COPZ2: variants seen among roughly 807,000 people sequenced by gnomAD.
COPZ2 encodes the protein coatomer subunit zeta-2.
In COPZ2, 30 loss-of-function variants were observed where a neutral mutation model predicts 33.2. The observed-to-expected ratio is 0.90, with a 90% CI of 0.68 to 1.23. The LOEUF (loss-of-function observed/expected upper bound fraction) is 1.23. Among genes scored for constraint, COPZ2 ranks in the 50% most tolerant of loss-of-function variants. The pLI is 0.00. For synonymous variants in COPZ2, 89 were observed against 102.6 expected, an observed-to-expected ratio of 0.87 and a Z score of 0.80; for missense variants, 263 against 262.4, an observed-to-expected ratio of 1.00 and a Z score of -0.02.
chr17:48,034,044 C>A, intron 2 of COPZ2, 100 bp from the exon 3 acceptor site: 1 of 757,966 alleles, frequency 1.3e-6, no homozygotes. Context: ...CAAGCGGGAT[C>A]CTGCTTCCCT....
At chr17:48,044,836 A>C in the COPZ2 span, among the ~76,000 whole-genome samples, 3 of 152,222 alleles carry the variant, frequency 2.0e-5, no homozygotes, top group Admixed American at 1.3e-4. Context: ...TATTCCTACC[A>C]TCTCTCAGGA....
rs2036913158 is a variant in COPZ2 at position 48,032,740 on chromosome 17, A to T, written c.362T>A (p.Leu121Gln). The change falls in exon 5 of 9, where the codon CTG becomes CAG. Residue 121 changes from leucine (L) to glutamine (Q), a missense_variant and splice_region_variant. Coordinates refer to ENST00000621465, the MANE Select transcript of COPZ2 (RefSeq NM_016429.4). ...GCAGGTGAGAACAGACATGAGCATC[A>T]GCTGGGATGGGCAGATACGGGAGGA... ...YVVGSSYENELMLMSVLTCLF... is the reference protein window; with the variant it reads ...YVVGSSYENEQMLMSVLTCLF... 1.3e-6 allele frequency: 2 copies of T among 1,591,154 alleles called. No homozygotes were observed. Among genetic ancestry groups the T allele is most frequent in the African/African-American group, 2.7e-5 (2 of 74,448 alleles).
chr17:48,034,052 C>T (rs1166559500), intron 2 of COPZ2, 108 bp from the exon 3 acceptor site: 13 of 718,584 alleles, frequency 1.8e-5, no homozygotes, highest in East Asian at 2.7e-5. Flanking sequence ...ATCCTGCTTC[C>T]CTGCCCCATC....
Position 48,028,610 on chromosome 17 carries a change from C to T in COPZ2, c.547-100G>A. The stretch of plus-strand genomic sequence containing the variant: ...GCTTGGGGGTATGGGTGAGGTGGTG[C>T]AGTGGTTAGGGTGATTCAGAGCTGC... On this transcript the variant is annotated intron_variant, in intron 7 of 8. Coordinates refer to ENST00000621465, the MANE Select transcript of COPZ2 (RefSeq NM_016429.4). This position sits in a 1 kb window ranked among gnomAD's most constrained non-coding sequence, Gnocchi z 4.5. 1 of 1,122,288 alleles carries T rather than the reference C, an allele frequency of 8.9e-7. No homozygotes were observed. Among genetic ancestry groups the T allele is most frequent in the Non-Finnish European group, 1.3e-6 (1 of 768,482 alleles). 69.5% of individuals were successfully genotyped at this position (1,122,288 alleles called of 1,614,324 possible).
chr17:48,037,598 C>T lies in COPZ2; in HGVS notation c.111+69G>A. 1 of 1,048,924 alleles carries T rather than the reference C, an allele frequency of 9.5e-7. No individual in the cohort carries two copies. 65.0% of individuals were successfully genotyped at this position (1,048,924 alleles called of 1,614,324 possible). On this transcript the variant is annotated intron_variant, in intron 1 of 8. Coordinates refer to ENST00000621465, the MANE Select transcript of COPZ2 (RefSeq NM_016429.4). The surrounding 1 kb of genome is among the most constrained non-coding windows in gnomAD (Gnocchi z 5.6). The stretch of plus-strand genomic sequence containing the variant: ...GCGCGCGAGTTCTGAGTTGGCTGCT[C>T]CCCCTAACCCTGCTCTGTCCCTGCC...
intron 2 of COPZ2, among the ~76,000 whole-genome samples, chr17:48,035,037 A>G (rs1383168081): frequency 6.6e-6 from 1 of 152,228 alleles, no homozygotes; most frequent in Non-Finnish European, 1.5e-5. Context: ...TTGTGAGGCC[A>G]AAGCTGGGTT....
the COPZ2 span, among the ~76,000 whole-genome samples, chr17:48,043,768 C>T: frequency 6.6e-6 from 1 of 152,116 alleles, no homozygotes; most frequent in Non-Finnish European, 1.5e-5. Context: ...CCATTTAGCT[C>T]GGGATGGCCC....
chr17:48,044,011 G>A, the COPZ2 span, among the ~76,000 whole-genome samples: 2 of 152,314 alleles, frequency 1.3e-5, no homozygotes, highest in Admixed American at 6.5e-5. Context: ...TCATTGTAGA[G>A]GTGAAGAAAG....
At position 48,036,832 on chromosome 17, in the gene COPZ2, G is replaced by C. The variant is rs2036989877; in HGVS notation, c.186+19C>G. The stretch of plus-strand genomic sequence containing the variant: ...GCTGAGTGGGAACTGTGTCCCTCAT[G>C]GGTGGGGTCAGAGGTTACCTTGGCC... On this transcript the variant is annotated intron_variant, in intron 2 of 8. Transcript: ENST00000621465. 1 of 1,610,948 alleles carries C rather than the reference G, an allele frequency of 6.2e-7. No homozygotes were observed. Among genetic ancestry groups the C allele is most frequent in the Non-Finnish European group, 8.5e-7 (1 of 1,177,328 alleles).
chr17:48,033,919 A>C lies in COPZ2; in HGVS notation c.212T>G (p.Met71Arg). Residue 71 changes from methionine to arginine, a missense_variant, in exon 3 of 9, where the codon ATG becomes AGG. Physicochemically the swap from Met to Arg is moderately conservative, Grantham distance 91 (BLOSUM62 -1). Transcript: ENST00000621465. ...AKYYDDTFPS[M>R]KEQMVFEKNV... is the part of the protein sequence containing the mutation. Reference sequence around the variant, plus strand: ...TTTCTCGAAAACCATCTGCTCCTTCATGGAGGGGAATGTGTCATCATAATA... The same window carrying C: ...TTTCTCGAAAACCATCTGCTCCTTCCTGGAGGGGAATGTGTCATCATAATA... 6.2e-7 allele frequency: 1 copy of C among 1,610,898 alleles called. No individual in the cohort carries two copies. Among genetic ancestry groups the C allele is most frequent in the Non-Finnish European group, 8.5e-7 (1 of 1,178,230 alleles).
chr17:48,044,030 A>G, the COPZ2 span, among the ~76,000 whole-genome samples: 2 of 152,316 alleles, frequency 1.3e-5, no homozygotes, highest in Non-Finnish European at 2.9e-5. Context: ...AGAACATTTT[A>G]GGGTTGAGAA....
rs773551863 is a variant in COPZ2, at chr17:48,028,294, G to T, written c.585+178C>A. Among the ~76,000 whole-genome samples, 1 of 152,106 alleles carries T rather than the reference G, an allele frequency of 6.6e-6. No individual in the cohort carries two copies. The highest frequency in any genetic ancestry group is 2.4e-5 in the African/African-American group (1 of 41,418). ...CCAGCTCCCCTGAGTTGGAGAGCCC[G>T]GAGGCCTCCAGTGAGTCTTTCCAAG... is the stretch of plus-strand genomic sequence containing the variant. On this transcript the variant is annotated intron_variant, in intron 8 of 8. Coordinates refer to ENST00000621465, the MANE Select transcript of COPZ2 (RefSeq NM_016429.4). This position sits in a 1 kb window ranked among gnomAD's most constrained non-coding sequence, Gnocchi z 4.5.
upstream of COPZ2, among the ~76,000 whole-genome samples, chr17:48,042,016 G>C (rs2037067284): frequency 6.6e-6 from 1 of 152,128 alleles, no homozygotes; most frequent in Non-Finnish European, 1.5e-5. Context: ...GTTAGGGATG[G>C]GAAGGCACTG....
rs928198215 is a variant in COPZ2 at position 48,032,336 on chromosome 17, C to T, written c.417-103G>A. 4 of 952,220 alleles carry T rather than the reference C, an allele frequency of 4.2e-6. No homozygotes were observed. The African/African-American group carries it at 6.5e-5, about 15-fold the overall frequency. The allele number at this position is 952,220 out of a possible 1,614,324, so 59.0% of individuals were successfully genotyped here. ...CTCTCCAAAGACTGCCTCATTCACC[C>T]CTCACCAAACAAGGACTGGGAAGGA... On this transcript the variant is annotated intron_variant, in intron 5 of 8. Coordinates refer to ENST00000621465, the MANE Select transcript of COPZ2 (RefSeq NM_016429.4).
At chr17:48,027,923 G>C (rs2036839410) in intron 8 of COPZ2, 1 of 152,530 alleles carries the variant, frequency 6.6e-6, no homozygotes, top group South Asian at 2.1e-4. Flanking sequence ...CTCCAGATAA[G>C]ACCATGCAGG....
chr17:48,035,276 T>C lies in COPZ2; in HGVS notation c.187-1332A>G, dbSNP rs1166115827. Reference sequence around the variant, plus strand: ...AGGTGTGGTCAGCTCAGTTTTCAATTTTCTGGATGTGGATTTTGCCACTTA... The same window carrying C: ...AGGTGTGGTCAGCTCAGTTTTCAATCTTCTGGATGTGGATTTTGCCACTTA... On this transcript the variant is annotated intron_variant, in intron 2 of 8. Transcript: ENST00000621465. 2.0e-5 allele frequency among the ~76,000 whole-genome samples: 3 copies of C among 152,312 alleles called. No homozygotes were observed. The South Asian group carries it at 6.2e-4, about 32-fold the overall frequency.
At chr17:48,035,773 G>A (rs1301153498) in intron 2 of COPZ2, among the ~76,000 whole-genome samples, 1 of 132,722 alleles carries the variant, frequency 7.5e-6, no homozygotes, top group Admixed American at 8.0e-5. Flanking sequence ...TTTTTTTTGA[G>A]ACAGAGTTTC....
upstream of COPZ2, among the ~76,000 whole-genome samples, chr17:48,039,693 C>T (rs1210165754): frequency 6.6e-6 from 1 of 152,128 alleles, no homozygotes; most frequent in Non-Finnish European, 1.5e-5. Flanking sequence ...TCCTTCTCCC[C>T]GCCCAGACTT....
In COPZ2 at chr17:48,036,701, C is replaced by T. The variant is rs933973164; in HGVS notation, c.186+150G>A. 6.1e-6 allele frequency: 4 copies of T among 659,450 alleles called. No individual in the cohort carries two copies. In the African/African-American group the frequency reaches 7.2e-5, roughly 12 times the overall value. The allele number at this position is 659,450 out of a possible 1,614,324, so 40.8% of individuals were successfully genotyped here. A position where few individuals can be genotyped will look rare whatever the true frequency, so the allele number is the denominator to read the frequency against. On this transcript the variant is annotated intron_variant, in intron 2 of 8. Transcript: ENST00000621465. The stretch of plus-strand genomic sequence containing the variant: ...GGAGACCCCTCATTTCAGGGAGCAG[C>T]ACCTTGACAAGGCAGGAGGATGAGA...
Sources: allele counts gnomAD v4.1 joint callset (sites outside exome capture counted in the v4.1 genomes callset), GRCh38; gene constraint gnomAD v4.1.1; non-coding constraint Gnocchi (gnomAD v3.1); transcripts MANE v1.5; gene names NCBI Gene and HGNC (gene_info 2026-07-23, HGNC 2026-07-21).